Variants in RWDD4 observed in about 807,000 individuals in gnomAD.
RWDD4 encodes the protein RWD domain-containing protein 4.
In RWDD4, 16 loss-of-function variants were observed where a neutral mutation model predicts 30.0. That is an observed-to-expected ratio of 0.53 (90% CI 0.36 to 0.81). The LOEUF is 0.81. Among genes scored for constraint, RWDD4 ranks in the 30% least tolerant of loss-of-function variants. RWDD4 has a pLI of 0.00. For missense variants in RWDD4, 170 were observed against 223.9 expected, an observed-to-expected ratio of 0.76 and a Z score of 1.54; for synonymous variants, 45 against 72.1, an observed-to-expected ratio of 0.62 and a Z score of 1.90.
At chr4:183,654,232 C>T (rs1216515380) in intron 2 of RWDD4, among the ~76,000 whole-genome samples, 2 of 152,130 alleles carry the variant, frequency 1.3e-5, no homozygotes, top group South Asian at 2.1e-4. Flanking sequence ...GAAAAAATTT[C>T]GTCCTCATTT....
chr4:183,656,214 CCT>C, intron 1 of RWDD4: 1 of 287,226 alleles, frequency 3.5e-6, no homozygotes, highest in Non-Finnish European at 6.4e-6. Context: ...TCAAATCAAC[CCT>C]GTCAAGAGGC....
intron 6 of RWDD4, 67 bp from the exon 7 acceptor site, chr4:183,646,420 T>C: frequency 1.3e-6 from 2 of 1,592,478 alleles, no homozygotes; most frequent in South Asian, 1.1e-5. Flanking sequence ...AAACAAAAAA[T>C]AAGAATTTCA....
rs1733846714 is a variant in RWDD4, at chr4:183,641,100, C to T, written c.*336G>A. The T allele has an allele frequency of 3.3e-6, 1 of 305,890 alleles. No individual in the cohort carries two copies. The highest frequency in any genetic ancestry group is 4.0e-5 in the South Asian group (1 of 25,116). The allele number at this position is 305,890 out of a possible 1,614,324, so 18.9% of individuals were successfully genotyped here. A position where few individuals can be genotyped will look rare whatever the true frequency, so the allele number is the denominator to read the frequency against. On this transcript the variant is annotated 3_prime_UTR_variant, in exon 8 of 8. Transcript: ENST00000326397. ...ATGATAGTTTGAAAAGGGCTTCATA[C>T]TCCTTTAAGAAAATAGCACATCCAC...
In RWDD4 at chr4:183,659,145, G is replaced by A. The variant is rs1168561570; in HGVS notation, c.-193C>T. 3 of 417,792 alleles carry A rather than the reference G, an allele frequency of 7.2e-6. No individual in the cohort carries two copies. Among genetic ancestry groups the A allele is most frequent in the Non-Finnish European group, 1.2e-5 (3 of 245,052 alleles). 25.9% of individuals were successfully genotyped at this position (417,792 alleles called of 1,614,324 possible). The stretch of plus-strand genomic sequence containing the variant: ...CGCCCAGCCGCCGGCAGTGGGCTGT[G>A]GGCTACGAGCCGGAGCCGCGGCTGG... On this transcript the variant is annotated 5_prime_UTR_variant, in exon 1 of 8. Coordinates refer to ENST00000326397, the MANE Select transcript of RWDD4 (RefSeq NM_152682.4).
chr4:183,646,648 CA>C (rs1733971306), intron 5 of RWDD4, 111 bp from the exon 6 acceptor site: 1 of 883,018 alleles, frequency 1.1e-6, no homozygotes, highest in African/African-American at 1.7e-5. Context: ...ATTTAAATGA[CA>C]TATTACTAAG....
chr4:183,643,288 G>A (rs1022471329), intron 7 of RWDD4, among the ~76,000 whole-genome samples: 1 of 147,484 alleles, frequency 6.8e-6, no homozygotes, highest in African/African-American at 2.5e-5. Context: ...TTAGCCAGGC[G>A]TGGTGGCGCA....
intron 1 of RWDD4, among the ~76,000 whole-genome samples, chr4:183,657,198 T>C (rs962475742): frequency 2.0e-5 from 3 of 152,176 alleles, no homozygotes; most frequent in Non-Finnish European, 4.4e-5. Flanking sequence ...ACACCGACTA[T>C]ATAGATTTCA....
At chr4:183,655,982 A>G in intron 1 of RWDD4, 21 bp from the exon 2 acceptor site, 1 of 1,478,540 alleles carries the variant, frequency 6.8e-7, no homozygotes, top group Non-Finnish European at 9.4e-7. Context: ...GAACTGAATG[A>G]GTTTTGTTTA....
chr4:183,656,882 C>T (rs982748353), intron 1 of RWDD4, among the ~76,000 whole-genome samples: 1 of 152,106 alleles, frequency 6.6e-6, no homozygotes, highest in Non-Finnish European at 1.5e-5. Context: ...AAAAATTAGC[C>T]AGGTGTGGTG....
chr4:183,643,509 C>G (rs28640032), intron 7 of RWDD4, among the ~76,000 whole-genome samples: 1 of 149,300 alleles, frequency 6.7e-6, no homozygotes, highest in African/African-American at 2.5e-5. Context: ...TTGTGTACCC[C>G]CTGAGAGAGT....
intron 5 of RWDD4, among the ~76,000 whole-genome samples, chr4:183,648,990 A>G (rs1394017539): frequency 6.6e-6 from 1 of 152,064 alleles, no homozygotes; most frequent in Non-Finnish European, 1.5e-5. Flanking sequence ...TTCAGTATAC[A>G]TATGTGACCC....
At position 183,659,045 on chromosome 4, in the gene RWDD4, T is replaced by C; in HGVS notation, c.-93A>G. ...GGCCCAGAGGCCGGGCGTCCCCCTT[T>C]CGCGCCTCGGCTGTGGGGGCGGCAC... On this transcript the variant is annotated 5_prime_UTR_variant, in exon 1 of 8. Coordinates refer to ENST00000326397, the MANE Select transcript of RWDD4 (RefSeq NM_152682.4). 9.9e-7 allele frequency: 1 copy of C among 1,005,630 alleles called. No homozygotes were observed. Among genetic ancestry groups the C allele is most frequent in the Non-Finnish European group, 1.3e-6 (1 of 781,204 alleles). The allele number at this position is 1,005,630 out of a possible 1,614,324, so 62.3% of individuals were successfully genotyped here.
intron 7 of RWDD4, 73 bp from the exon 8 acceptor site, chr4:183,641,541 T>C: frequency 8.4e-7 from 1 of 1,188,212 alleles, no homozygotes; most frequent in Non-Finnish European, 1.2e-6. Context: ...AGTATCAAAA[T>C]TAAACTATAG....
At chr4:183,647,251 G>GC (rs1286091093) in intron 5 of RWDD4, among the ~76,000 whole-genome samples, 1 of 152,106 alleles carries the variant, frequency 6.6e-6, no homozygotes, top group Non-Finnish European at 1.5e-5. Flanking sequence ...TGTATGCCAT[G>GC]CATGTCTCCA....
Position 183,642,443 on chromosome 4 carries a change from C to A in RWDD4, c.535-975G>T, listed in dbSNP as rs370431429. ...TGACCTCGTGATCCGCCCGCCTCGGCCTCCCAAAGTGCTGGGATTACAGGC... is the reference window on the plus strand; with the variant it reads ...TGACCTCGTGATCCGCCCGCCTCGGACTCCCAAAGTGCTGGGATTACAGGC... On this transcript the variant is annotated intron_variant, in intron 7 of 7. Transcript: ENST00000326397. 1.5e-4 allele frequency among the ~76,000 whole-genome samples: 13 copies of A among 85,506 alleles called. 5 individuals carry two copies. The highest frequency in any genetic ancestry group is 6.8e-4 in the South Asian group (2 of 2,960). 56.1% of individuals were successfully genotyped at this position (85,506 alleles called of 152,430 possible).
At chr4:183,654,691 C>T (rs548811699) in intron 2 of RWDD4, among the ~76,000 whole-genome samples, 3 of 152,246 alleles carry the variant, frequency 2.0e-5, no homozygotes, top group Non-Finnish European at 2.9e-5. Flanking sequence ...GGATTCAAAC[C>T]GAAGGGCCTA....
At chr4:183,658,036 T>C (rs189294757) in intron 1 of RWDD4, among the ~76,000 whole-genome samples, 25 of 152,330 alleles carry the variant, frequency 1.6e-4, no homozygotes, top group South Asian at 4.1e-4. Context: ...TATTAACGCA[T>C]TCACTTAGAA....
chr4:183,654,592 G>A (rs972150058), intron 2 of RWDD4, among the ~76,000 whole-genome samples: 2 of 152,120 alleles, frequency 1.3e-5, no homozygotes, highest in Non-Finnish European at 2.9e-5. Context: ...TGCACAACAT[G>A]CTCTAAATCA....
At chr4:183,656,855 A>G (rs1734204766) in intron 1 of RWDD4, among the ~76,000 whole-genome samples, 2 of 152,146 alleles carry the variant, frequency 1.3e-5, no homozygotes, top group Admixed American at 1.3e-4. Context: ...GTGAAACCCC[A>G]TCTCTACTAA....
Sources: gnomAD v4.1 joint callset for allele counts (sites outside exome capture counted in the v4.1 genomes callset) on GRCh38, gnomAD v4.1.1 for gene constraint, MANE v1.5 for transcripts, NCBI Gene and HGNC (gene_info 2026-07-23, HGNC 2026-07-21) for gene names.